FHAD1: variants seen among roughly 807,000 people sequenced by gnomAD.
The protein encoded by FHAD1 is forkhead-associated domain-containing protein 1.
Under a neutral mutation model 191.3 loss-of-function variants are expected in FHAD1, and 146 were observed. The observed-to-expected ratio is 0.76, with a 90% CI of 0.67 to 0.88. The LOEUF is 0.88. FHAD1 is among the 40% of genes least tolerant of loss of function. The probability of loss-of-function intolerance (pLI) is 0.00; values close to 1 mark genes in which losing one functional copy is unlikely to be tolerated. For synonymous variants in FHAD1, 616 were observed against 672.3 expected, an observed-to-expected ratio of 0.92 and a Z score of 1.29; for missense variants, 1,635 against 1,785.8, an observed-to-expected ratio of 0.92 and a Z score of 1.52.
At chr1:15,395,622 G>T (rs1178944446) in intron 33 of FHAD1, among the ~76,000 whole-genome samples, 3 of 152,114 alleles carry the variant, frequency 2.0e-5, no homozygotes, top group Non-Finnish European at 2.9e-5. Flanking sequence ...TCATGCACAC[G>T]GCTGCCAGGA....
intron 6 of FHAD1, among the ~76,000 whole-genome samples, chr1:15,306,727 G>A (rs1422492269): frequency 2.0e-5 from 3 of 152,258 alleles, no homozygotes; most frequent in African/African-American, 4.8e-5. Context: ...GCCTGCAGGT[G>A]CACAGAAGTC....
chr1:15,351,827 A>AG (rs1690994704), intron 19 of FHAD1, among the ~76,000 whole-genome samples: 1 of 72,132 alleles, frequency 1.4e-5, no homozygotes, highest in Non-Finnish European at 2.8e-5. Context: ...GATGTGGTTG[A>AG]GGGGGGTGCC....
chr1:15,280,583 G>T (rs533859472), intron 3 of FHAD1, among the ~76,000 whole-genome samples: 1 of 152,038 alleles, frequency 6.6e-6, no homozygotes, highest in African/African-American at 2.4e-5. Context: ...CGGACGACCC[G>T]GCCCAAAACC....
At chr1:15,260,887 C>T (rs1365068165) in intron 2 of FHAD1, among the ~76,000 whole-genome samples, 1 of 152,210 alleles carries the variant, frequency 6.6e-6, no homozygotes. Flanking sequence ...ATCCCTTTGC[C>T]ATGTAAGGCA....
At chr1:15,399,286 G>C (rs1466595393), downstream of FHAD1, among the ~76,000 whole-genome samples, 1 of 152,132 alleles carries the variant, frequency 6.6e-6, no homozygotes, top group Non-Finnish European at 1.5e-5. Context: ...CCAGTGAGAG[G>C]CCAGGCATGG....
intron 28 of FHAD1, among the ~76,000 whole-genome samples, chr1:15,378,703 A>G (rs1700211116): frequency 2.0e-5 from 3 of 152,036 alleles, no homozygotes; most frequent in Admixed American, 2.0e-4. Flanking sequence ...TGTCACACTT[A>G]CCTATCACAG....
At chr1:15,270,085 A>T (rs1655263847) in intron 2 of FHAD1, among the ~76,000 whole-genome samples, 1 of 151,854 alleles carries the variant, frequency 6.6e-6, no homozygotes, top group African/African-American at 2.4e-5. Context: ...TAATTTTTGT[A>T]TTTTTAGTAG....
chr1:15,281,514 C>G (rs908955663), intron 3 of FHAD1, among the ~76,000 whole-genome samples: 2 of 151,920 alleles, frequency 1.3e-5, no homozygotes, highest in African/African-American at 4.8e-5. Flanking sequence ...AATTCTGGCA[C>G]TTTGGGAAGT....
Position 15,327,991 on chromosome 1 carries a change from C to A in FHAD1, c.1558-286C>A, listed in dbSNP as rs550349120. The A allele has an allele frequency of 7.9e-4, 135 of 171,062 alleles. No homozygotes were observed. The highest frequency in any genetic ancestry group is 1.0e-3 in the Non-Finnish European group (84 of 81,942). 10.6% of individuals were successfully genotyped at this position (171,062 alleles called of 1,614,324 possible). Reference sequence around the variant, plus strand: ...GAGGTTGCGGTGAGCCGAGATCAAACCATTGCACTCCAGCCTGGGCAACAA... The same window carrying A: ...GAGGTTGCGGTGAGCCGAGATCAAAACATTGCACTCCAGCCTGGGCAACAA... On this transcript the variant is annotated intron_variant, in intron 12 of 33. Transcript: ENST00000688493. The surrounding 1 kb of genome is among the most constrained non-coding windows in gnomAD (Gnocchi z 5.1).
At chr1:15,244,400 G>A (rs1415894616), upstream of FHAD1, among the ~76,000 whole-genome samples, 2 of 152,140 alleles carry the variant, frequency 1.3e-5, no homozygotes, top group Admixed American at 6.5e-5. This position sits in a 1 kb window ranked among gnomAD's most constrained non-coding sequence, Gnocchi z 5.1. Flanking sequence ...GAGGGGCATG[G>A]GCTGTTCCAG....
intron 4 of FHAD1, among the ~76,000 whole-genome samples, chr1:15,292,286 T>A (rs1665066498): frequency 6.6e-6 from 1 of 152,100 alleles, no homozygotes; most frequent in Non-Finnish European, 1.5e-5. Context: ...TAGCTGGGAT[T>A]ACAGGCACCC....
At chr1:15,323,737 A>C (rs995429929) in intron 10 of FHAD1, among the ~76,000 whole-genome samples, 1 of 152,184 alleles carries the variant, frequency 6.6e-6, no homozygotes, top group Non-Finnish European at 1.5e-5. Context: ...GGCAGCACCG[A>C]ACACGCCCAA....
At chr1:15,328,538 C>A in intron 13 of FHAD1, 109 bp downstream of exon 13, 1 of 923,694 alleles carries the variant, frequency 1.1e-6, no homozygotes, top group Non-Finnish European at 1.5e-6. Flanking sequence ...AAATGCTTGG[C>A]TTTTCTATCC....
intron 19 of FHAD1, 128 bp downstream of exon 19, chr1:15,349,277 T>C (rs1020749064): frequency 2.8e-6 from 2 of 702,554 alleles, no homozygotes; most frequent in Non-Finnish European, 2.4e-6. Flanking sequence ...ATCTGCCGTT[T>C]ACTGGCTGTG....
In FHAD1 at chr1:15,381,277, A is replaced by G. The variant is rs1176583257; in HGVS notation, c.3848A>G (p.Asn1283Ser). 19 of 1,551,724 alleles carry G rather than the reference A, an allele frequency of 1.2e-5. No individual in the cohort carries two copies. Among genetic ancestry groups the G allele is most frequent in the Non-Finnish European group, 1.7e-5 (19 of 1,147,002 alleles). ...KTLGSLMNIK[N>S]MSGHVSMKYL... The stretch of plus-strand genomic sequence containing the variant: ...CTCGGAAGTCTCATGAACATCAAGA[A>G]TATGTCAGGCCACGTGTCCATGAAA... The change falls in exon 30 of 34, where the codon AAT becomes AGT. Residue 1283 changes from asparagine to serine, a missense_variant. Transcript: ENST00000688493. The surrounding 1 kb of genome is among the most constrained non-coding windows in gnomAD (Gnocchi z 4.6).
In FHAD1 at chr1:15,383,962, ATGTGTGTGTGCATTCTCG is replaced by A. The variant is rs564991087; in HGVS notation, c.4188+1779_4188+1796del. The A allele has an allele frequency of 5.6e-4, 213 of 381,052 alleles. 1 individual carries two copies. The highest frequency in any genetic ancestry group is 4.1e-3 in the South Asian group (210 of 51,546). The allele number at this position is 381,052 out of a possible 1,614,324, so 23.6% of individuals were successfully genotyped here. ...CCCCTCCTTGTAACTGTCAGCTTTT[ATGTGTGTGTGCATTCTCG>A]TGTGTGTGTACATTCTCATGTGTGT... On this transcript the variant is annotated intron_variant, in intron 31 of 33. Coordinates refer to ENST00000688493, the MANE Select transcript of FHAD1 (RefSeq NM_001391957.1).
chr1:15,339,405 G>T, intron 14 of FHAD1, 76 bp from the exon 15 acceptor site: 1 of 624,078 alleles, frequency 1.6e-6, no homozygotes, highest in Non-Finnish European at 2.5e-6. Flanking sequence ...GGATGGCAAC[G>T]TTGCTTTCAT....
chr1:15,344,380 G>A (rs1688021243), intron 16 of FHAD1, among the ~76,000 whole-genome samples: 2 of 152,126 alleles, frequency 1.3e-5, no homozygotes, highest in African/African-American at 4.8e-5. Context: ...TTTTCTTATT[G>A]CCAGTTGTTG....
Position 15,338,206 on chromosome 1 carries a change from G to T in FHAD1, c.1907-1275G>T, listed in dbSNP as rs116630993. Among the ~76,000 whole-genome samples the T allele has an allele frequency of 4.3e-3, 651 of 152,282 alleles. 8 individuals carry two copies. The highest frequency in any genetic ancestry group is 0.015 in the African/African-American group (631 of 41,552). On this transcript the variant is annotated intron_variant, in intron 14 of 33. Coordinates refer to ENST00000688493, the MANE Select transcript of FHAD1 (RefSeq NM_001391957.1). The stretch of plus-strand genomic sequence containing the variant: ...TGTAACAAATGACCACAAGAGACTG[G>T]CTTAAAACAACACATTATTCTCTTA...
Sources: gnomAD v4.1 joint callset for allele counts (sites outside exome capture counted in the v4.1 genomes callset) on GRCh38, gnomAD v4.1.1 for gene constraint, Gnocchi (gnomAD v3.1) non-coding constraint, MANE v1.5 for transcripts, NCBI Gene and HGNC (gene_info 2026-07-23, HGNC 2026-07-21) for gene names.